The following XPO1 variants were observed in gnomAD, a reference collection of about 807,000 sequenced individuals.
XPO1 encodes exportin 1, also known as exportin-1.
Under a neutral mutation model 133.3 loss-of-function variants are expected in XPO1, and 5 were observed. The ratio of observed to expected loss-of-function variants is 0.04; its 90% CI spans 0.02 to 0.08. The LOEUF (loss-of-function observed/expected upper bound fraction) is 0.08, where lower values mean the gene tolerates loss of function less well. Ranked by LOEUF, XPO1 falls within the 10% of genes least tolerant of loss-of-function variation. The pLI is 1.00. For missense variants in XPO1, 506 were observed against 1,267.5 expected (o/e 0.40, Z 9.12); for synonymous variants, 419 against 408.2 (o/e 1.03, Z -0.32).
chr2:61,525,432 A>G (rs1698872520), intron 3 of XPO1: 1 of 1,000,562 alleles, frequency 1.0e-6, no homozygotes, highest in African/African-American at 1.7e-5. Context: ...GCCAAATGTC[A>G]TAGTGCATAA....
At position 61,487,045 on chromosome 2, in the gene XPO1, C is replaced by T. The variant is rs574989389; in HGVS notation, c.2314-1083G>A. Among the ~76,000 whole-genome samples, 6 of 151,256 alleles carry T rather than the reference C, an allele frequency of 4.0e-5. 1 individual carries two copies. In the South Asian group the frequency reaches 1.3e-3, roughly 32 times the overall value. On this transcript the variant is annotated intron_variant, in intron 19 of 24. Transcript: ENST00000401558. ...TGGCCCAGACTGGGGTGCAATGGCG[C>T]AATCTTGGCTCACTGTCACCTCCAC...
intron 4 of XPO1, among the ~76,000 whole-genome samples, chr2:61,503,371 C>T (rs913536105): frequency 1.3e-5 from 2 of 152,056 alleles, no homozygotes; most frequent in South Asian, 4.2e-4. Flanking sequence ...AGCAATTGTC[C>T]TGCCTCAGCA....
chr2:61,501,373 A>G (rs1384786824), intron 6 of XPO1, among the ~76,000 whole-genome samples: 1 of 152,176 alleles, frequency 6.6e-6, no homozygotes, highest in Non-Finnish European at 1.5e-5. Context: ...CGAGGAAATC[A>G]AAGGACTCAG....
chr2:61,491,945 C>T (rs180704091), intron 16 of XPO1, 90 bp downstream of exon 16: 1 of 1,423,340 alleles, frequency 7.0e-7, no homozygotes, highest in Non-Finnish European at 9.6e-7. Flanking sequence ...TCTATTGGAT[C>T]CAATAGTTGC....
intron 4 of XPO1, among the ~76,000 whole-genome samples, chr2:61,520,134 G>T (rs1231889984): frequency 6.6e-6 from 1 of 152,142 alleles, no homozygotes; most frequent in African/African-American, 2.4e-5. Flanking sequence ...ATATGCTATG[G>T]TAGTTGGACA....
At chr2:61,482,034 C>CTTTTTTTTTTT (rs1195049382) in intron 23 of XPO1, among the ~76,000 whole-genome samples, 5 of 71,384 alleles carry the variant, frequency 7.0e-5, no homozygotes, top group East Asian at 5.7e-4. Context: ...CGTGCGTGGC[C>CTTTTTTTTTTT]TTTTTTTTTT....
chr2:61,478,585 A>T lies in XPO1; in HGVS notation c.*235T>A, dbSNP rs1285396888. On this transcript the variant is annotated 3_prime_UTR_variant, in exon 25 of 25. Coordinates refer to ENST00000401558, the MANE Select transcript of XPO1 (RefSeq NM_003400.4). ...AAAATGGGCATGAAGTAAAATTTTTAAAAATGCCTTAATTTTCAACTTCAT... is the reference window on the plus strand; with the variant it reads ...AAAATGGGCATGAAGTAAAATTTTTTAAAATGCCTTAATTTTCAACTTCAT... 6.7e-6 allele frequency: 3 copies of T among 450,798 alleles called. No homozygotes were observed. The highest frequency in any genetic ancestry group is 8.6e-5 in the Admixed American group (2 of 23,354). 27.9% of individuals were successfully genotyped at this position (450,798 alleles called of 1,614,324 possible). A position where few individuals can be genotyped will look rare whatever the true frequency, so the allele number is the denominator to read the frequency against.
At chr2:61,486,599 G>T (rs1696707754) in intron 19 of XPO1, among the ~76,000 whole-genome samples, 1 of 151,968 alleles carries the variant, frequency 6.6e-6, no homozygotes, top group Non-Finnish European at 1.5e-5. Context: ...GGGAGTACAG[G>T]CACCTGCCAC....
chr2:61,533,946 G>A, intron 1 of XPO1, 43 bp from the exon 2 acceptor site: 2 of 1,414,502 alleles, frequency 1.4e-6, no homozygotes, highest in Non-Finnish European at 1.9e-6. Context: ...ATCAAGTTTT[G>A]GTATTATCAA....
chr2:61,504,870 T>C (rs894270300), intron 4 of XPO1, among the ~76,000 whole-genome samples: 2 of 152,300 alleles, frequency 1.3e-5, no homozygotes, highest in African/African-American at 4.8e-5. Flanking sequence ...TTATGGACTT[T>C]CCTAATTACG....
At chr2:61,517,022 G>A (rs1442744075) in intron 4 of XPO1, among the ~76,000 whole-genome samples, 3 of 152,050 alleles carry the variant, frequency 2.0e-5, no homozygotes, top group Non-Finnish European at 2.9e-5. Context: ...TCTTGCCTCA[G>A]CCTCTCAATT....
chr2:61,532,221 G>A (rs1013892829), intron 2 of XPO1, among the ~76,000 whole-genome samples: 1 of 151,958 alleles, frequency 6.6e-6, no homozygotes, highest in Non-Finnish European at 1.5e-5. Context: ...TCCGCCTCCC[G>A]GGTTCACGCC....
At chr2:61,497,436 C>T (rs1324692237) in intron 9 of XPO1, among the ~76,000 whole-genome samples, 1 of 152,164 alleles carries the variant, frequency 6.6e-6, no homozygotes, top group Non-Finnish European at 1.5e-5. Context: ...TGGTCTCGAT[C>T]TCCTGACCTC....
intron 4 of XPO1, among the ~76,000 whole-genome samples, chr2:61,516,086 A>G (rs1210412038): frequency 6.6e-6 from 1 of 151,478 alleles, no homozygotes; most frequent in Non-Finnish European, 1.5e-5. Context: ...AGATCTCGCC[A>G]CTACACTCCA....
intron 20 of XPO1, 86 bp downstream of exon 20, chr2:61,485,682 T>C (rs1696658604): frequency 1.8e-6 from 2 of 1,094,766 alleles, no homozygotes; most frequent in African/African-American, 1.6e-5. Context: ...ATTAAAATTA[T>C]GTTATATCCA....
At chr2:61,502,894 A>G (rs1697604488) in intron 4 of XPO1, among the ~76,000 whole-genome samples, 1 of 152,060 alleles carries the variant, frequency 6.6e-6, no homozygotes, top group South Asian at 2.1e-4. Flanking sequence ...GGAACAAGCC[A>G]ACAAGCCCAG....
intron 17 of XPO1, among the ~76,000 whole-genome samples, chr2:61,489,223 G>C (rs755035911): frequency 1.3e-5 from 2 of 152,018 alleles, no homozygotes; most frequent in Non-Finnish European, 2.9e-5. Flanking sequence ...AGACCAGCCT[G>C]ACCAACATGG....
chr2:61,493,752 G>A (rs1382705383), intron 12 of XPO1, 142 bp downstream of exon 12: 3 of 854,298 alleles, frequency 3.5e-6, no homozygotes, highest in Non-Finnish European at 5.5e-6. Flanking sequence ...CTCCTTTCAT[G>A]TTCTAGTTTT....
chr2:61,519,259 T>C (rs930978580), intron 4 of XPO1, among the ~76,000 whole-genome samples: 15 of 152,160 alleles, frequency 9.9e-5, no homozygotes, highest in African/African-American at 3.6e-4. Flanking sequence ...TATCTTTTGC[T>C]CTTTAAAATT....
Sources: allele counts gnomAD v4.1 joint callset (sites outside exome capture counted in the v4.1 genomes callset), GRCh38; gene constraint gnomAD v4.1.1; transcripts MANE v1.5; gene names NCBI Gene and HGNC (gene_info 2026-07-23, HGNC 2026-07-21).